ZNF516: variants seen among roughly 807,000 people sequenced by gnomAD.
ZNF516 encodes the protein zinc finger protein 516.
Under a neutral mutation model 79.7 loss-of-function variants are expected in ZNF516, and 19 were observed. That is an observed-to-expected ratio of 0.24 (90% CI 0.17 to 0.35). The LOEUF (loss-of-function observed/expected upper bound fraction) is 0.35, where lower values mean the gene tolerates loss of function less well. Among genes scored for constraint, ZNF516 ranks in the 10% least tolerant of loss-of-function variants. The pLI is 1.00. For synonymous variants in ZNF516, 877 were observed against 739.5 expected, an observed-to-expected ratio of 1.19 and a Z score of -3.02; for missense variants, 1,678 against 1,679.5, an observed-to-expected ratio of 1.00 and a Z score of 0.02.
intron 2 of ZNF516, among the ~76,000 whole-genome samples, chr18:76,458,037 A>T (rs1912836959): frequency 6.6e-6 from 1 of 152,192 alleles, no homozygotes; most frequent in East Asian, 1.9e-4. Flanking sequence ...TTTGCCTCAC[A>T]CATCAGGCGC....
At position 76,411,291 on chromosome 18, in the gene ZNF516, T is replaced by C. The variant is rs538332077; in HGVS notation, c.1810+29954A>G. On this transcript the variant is annotated intron_variant, in intron 3 of 6. Coordinates refer to ENST00000443185, the MANE Select transcript of ZNF516 (RefSeq NM_014643.4). ...CTTTCGCAATACCCCAGAGACAAAA[T>C]GCCTCACTGCACCCCAGCTACACAC... Among the ~76,000 whole-genome samples, 5 of 152,216 alleles carry C rather than the reference T, an allele frequency of 3.3e-5. No individual in the cohort carries two copies. The South Asian group carries it at 1.0e-3, about 32-fold the overall frequency.
In ZNF516 at chr18:76,427,737, G is replaced by A. The variant is rs1048275013; in HGVS notation, c.1810+13508C>T. 7.2e-5 allele frequency among the ~76,000 whole-genome samples: 11 copies of A among 152,072 alleles called. 1 individual carries two copies. The East Asian group carries it at 9.6e-4, about 13-fold the overall frequency. On this transcript the variant is annotated intron_variant, in intron 3 of 6. Transcript: ENST00000443185. ...TTCAAAACATGAGAATCAAATCCAC[G>A]ATATATAAACAGTTCCTATAAATTA... is the stretch of plus-strand genomic sequence containing the variant.
intron 1 of ZNF516, chr18:76,490,836 A>G: frequency 1.0e-6 from 1 of 985,438 alleles, no homozygotes; most frequent in African/African-American, 1.7e-5. Context: ...GTCCTTTGTT[A>G]CGCAGGGGAC....
At chr18:76,391,885 C>G (rs567934839) in intron 3 of ZNF516, among the ~76,000 whole-genome samples, 5 of 152,334 alleles carry the variant, frequency 3.3e-5, no homozygotes, top group Admixed American at 2.6e-4. Context: ...CAGAGACAGG[C>G]AGAGCCAGCA....
chr18:76,392,150 G>A (rs1176759337), intron 3 of ZNF516, among the ~76,000 whole-genome samples: 1 of 152,208 alleles, frequency 6.6e-6, no homozygotes, highest in Non-Finnish European at 1.5e-5. Flanking sequence ...CCAAGGGACA[G>A]GCCTTACATC....
Position 76,358,572 on chromosome 18 carries a change from T to A in ZNF516, c.*3926A>T, listed in dbSNP as rs925405938. 6.6e-6 allele frequency: 1 copy of A among 152,268 alleles called. No individual in the cohort carries two copies. Among genetic ancestry groups the A allele is most frequent in the African/African-American group, 2.4e-5 (1 of 41,476 alleles). The allele number at this position is 152,268 out of a possible 1,614,324, so 9.4% of individuals were successfully genotyped here. On this transcript the variant is annotated 3_prime_UTR_variant, in exon 7 of 7. Coordinates refer to ENST00000443185, the MANE Select transcript of ZNF516 (RefSeq NM_014643.4). The stretch of plus-strand genomic sequence containing the variant: ...CTCACTTGAAGTCCTGGCCTGTGGT[T>A]GTTTCATCTGTTTTTTTGCTCAGTG...
intron 1 of ZNF516, among the ~76,000 whole-genome samples, chr18:76,479,564 G>C (rs368055335): frequency 1.5e-4 from 23 of 152,320 alleles, no homozygotes; most frequent in African/African-American, 4.6e-4. Flanking sequence ...ACAGGCGTTC[G>C]TAACGGGCCA....
chr18:76,401,428 G>A (rs1382298333), intron 3 of ZNF516, among the ~76,000 whole-genome samples: 4 of 152,158 alleles, frequency 2.6e-5, no homozygotes, highest in African/African-American at 4.8e-5. Context: ...GCAGGAGCTC[G>A]TTGACCAAGC....
chr18:76,448,131 A>G (rs1244584376), intron 2 of ZNF516, among the ~76,000 whole-genome samples: 2 of 152,214 alleles, frequency 1.3e-5, no homozygotes, highest in African/African-American at 4.8e-5. Flanking sequence ...ACAAAATATA[A>G]AGTAGAAAAT....
chr18:76,402,666 T>C (rs1407442498), intron 3 of ZNF516, among the ~76,000 whole-genome samples: 1 of 152,240 alleles, frequency 6.6e-6, no homozygotes, highest in Non-Finnish European at 1.5e-5. Flanking sequence ...TCTGAACGAC[T>C]AAACTCCGCT....
chr18:76,404,890 G>C (rs1380273382), intron 3 of ZNF516, among the ~76,000 whole-genome samples: 1 of 152,186 alleles, frequency 6.6e-6, no homozygotes, highest in Non-Finnish European at 1.5e-5. Context: ...GCATGACTGT[G>C]AGTAGGAGCG....
intron 1 of ZNF516, among the ~76,000 whole-genome samples, chr18:76,463,763 G>T (rs1913272202): frequency 6.6e-6 from 1 of 152,120 alleles, no homozygotes; most frequent in Admixed American, 6.6e-5. Flanking sequence ...GATGTTTCAG[G>T]GTGTGGCACA....
In ZNF516 at chr18:76,493,555, TAA is replaced by T. The variant is rs1915356650; in HGVS notation, c.-272+1587_-272+1588del. On this transcript the variant is annotated intron_variant, in intron 1 of 6. Transcript: ENST00000443185. The surrounding 1 kb of genome is among the most constrained non-coding windows in gnomAD (Gnocchi z 5.2). The stretch of plus-strand genomic sequence containing the variant: ...GAACTGACCTATTTTTGGCTGGAGA[TAA>T]ACGATCATGTTAACAGATGTTAATC... The T allele has an allele frequency of 6.6e-6, 1 of 152,234 alleles. No individual in the cohort carries two copies. Among genetic ancestry groups the T allele is most frequent in the African/African-American group, 2.4e-5 (1 of 41,456 alleles). The allele number at this position is 152,234 out of a possible 1,614,324, so 9.4% of individuals were successfully genotyped here.
chr18:76,488,285 G>A lies in ZNF516; in HGVS notation c.-272+6859C>T, dbSNP rs955642799. ...TAATAAAATTAGTTCTTCACGTTTA[G>A]CCATTAACAATGCTGGAAGTGAAGC... On this transcript the variant is annotated intron_variant, in intron 1 of 6. Coordinates refer to ENST00000443185, the MANE Select transcript of ZNF516 (RefSeq NM_014643.4). 17 of 981,016 alleles carry A rather than the reference G, an allele frequency of 1.7e-5. No homozygotes were observed. The South Asian group carries it at 4.2e-4, about 24-fold the overall frequency. 60.8% of individuals were successfully genotyped at this position (981,016 alleles called of 1,614,324 possible). A position where few individuals can be genotyped will look rare whatever the true frequency, so the allele number is the denominator to read the frequency against.
Position 76,358,007 on chromosome 18 carries a change from G to T in ZNF516, c.*4491C>A, listed in dbSNP as rs368906123. Among the ~76,000 whole-genome samples, 1 of 152,114 alleles carries T rather than the reference G, an allele frequency of 6.6e-6. No individual in the cohort carries two copies. The highest frequency in any genetic ancestry group is 1.5e-5 in the Non-Finnish European group (1 of 68,022). On this transcript the variant is annotated 3_prime_UTR_variant, in exon 7 of 7. Transcript: ENST00000443185. ...CAAAAGAGTTGGAAAAAAACCACTC[G>T]GGCCATCTGGGCATCTGTTCAGATG...
chr18:76,415,749 G>A (rs112751132), intron 3 of ZNF516, among the ~76,000 whole-genome samples: 131 of 152,250 alleles, frequency 8.6e-4, no homozygotes, highest in African/African-American at 3.1e-3. Flanking sequence ...TAGAGAAACC[G>A]GCTCAAAATG....
At chr18:76,438,206 C>G (rs550499740) in intron 3 of ZNF516, among the ~76,000 whole-genome samples, 7 of 152,338 alleles carry the variant, frequency 4.6e-5, no homozygotes, top group South Asian at 2.1e-4. Flanking sequence ...AGATGTGCAG[C>G]CTCTCTGCAT....
chr18:76,463,597 T>C (rs922908317), intron 1 of ZNF516, among the ~76,000 whole-genome samples: 4 of 152,184 alleles, frequency 2.6e-5, no homozygotes, highest in African/African-American at 9.7e-5. Flanking sequence ...TCGCTCTTCT[T>C]GGGGATGGGT....
At chr18:76,423,413 A>G (rs1201962629) in intron 3 of ZNF516, among the ~76,000 whole-genome samples, 1 of 152,238 alleles carries the variant, frequency 6.6e-6, no homozygotes, top group Non-Finnish European at 1.5e-5. Flanking sequence ...GATAAGGCTC[A>G]TCCCTGAAAC....
Sources: allele counts gnomAD v4.1 joint callset (sites outside exome capture counted in the v4.1 genomes callset), GRCh38; gene constraint gnomAD v4.1.1; non-coding constraint Gnocchi (gnomAD v3.1); transcripts MANE v1.5; gene names NCBI Gene and HGNC (gene_info 2026-07-23, HGNC 2026-07-21).